Variants in SLC26A8 observed in about 807,000 individuals in gnomAD.
SLC26A8 encodes testis anion transporter 1.
Under a neutral mutation model 105.0 loss-of-function variants are expected in SLC26A8, and 70 were observed. That is an observed-to-expected ratio of 0.67 (90% confidence interval 0.55 to 0.81). The LOEUF (loss-of-function observed/expected upper bound fraction) is 0.81. Among genes scored for constraint, SLC26A8 ranks in the 40% least tolerant of loss-of-function variants. The pLI is 0.00. For missense variants in SLC26A8, 998 were observed against 1,181.8 expected (o/e 0.84, Z 2.28); for synonymous variants, 415 against 438.3 (o/e 0.95, Z 0.66).
At chr6:35,946,118 A>G (rs1008733279) in intron 19 of SLC26A8, among the ~76,000 whole-genome samples, 2 of 152,098 alleles carry the variant, frequency 1.3e-5, no homozygotes, top group Admixed American at 1.3e-4. Flanking sequence ...ATTACCATCT[A>G]TATGCTGATG....
At chr6:35,947,115 G>A (rs531582999) in intron 19 of SLC26A8, among the ~76,000 whole-genome samples, 36 of 152,232 alleles carry the variant, frequency 2.4e-4, no homozygotes, top group East Asian at 1.7e-3. Context: ...TGCAACCTCC[G>A]CTTCCTGGGT....
At chr6:35,989,013 T>A (rs1329588218) in intron 7 of SLC26A8, among the ~76,000 whole-genome samples, 1 of 152,028 alleles carries the variant, frequency 6.6e-6, no homozygotes, top group African/African-American at 2.4e-5. Context: ...GCTAAGTTTT[T>A]GTATTTTTAG....
intron 7 of SLC26A8, among the ~76,000 whole-genome samples, chr6:35,985,586 G>A (rs1016936892): frequency 4.0e-5 from 6 of 151,414 alleles, no homozygotes; most frequent in Admixed American, 1.3e-4. Flanking sequence ...CCAGCTACTC[G>A]GGAGGCTGAG....
intron 8 of SLC26A8, among the ~76,000 whole-genome samples, chr6:35,979,808 T>C (rs781198330): frequency 6.6e-6 from 1 of 152,208 alleles, no homozygotes; most frequent in East Asian, 1.9e-4. Context: ...AGGAGCTAAC[T>C]TAAATTGTCC....
intron 17 of SLC26A8, 60 bp from the exon 18 acceptor site, chr6:35,951,559 A>G: frequency 6.4e-7 from 1 of 1,571,182 alleles, no homozygotes; most frequent in Non-Finnish European, 8.8e-7. Context: ...AAGGCCTTCT[A>G]ATTAGCTAAG....
chr6:35,971,741 C>T (rs1456748488), intron 10 of SLC26A8, among the ~76,000 whole-genome samples: 2 of 152,246 alleles, frequency 1.3e-5, no homozygotes, highest in Non-Finnish European at 2.9e-5. Flanking sequence ...AATCCAGGCT[C>T]TCTCCACGGC....
chr6:35,956,703 T>C (rs867648966), intron 16 of SLC26A8, among the ~76,000 whole-genome samples: 1 of 152,180 alleles, frequency 6.6e-6, no homozygotes, highest in South Asian at 2.1e-4. Flanking sequence ...GTGGATCATC[T>C]GAGGTCAGGA....
At chr6:35,997,119 GGCCACCGACCA>G (rs1286865954) in intron 5 of SLC26A8, among the ~76,000 whole-genome samples, 5 of 152,058 alleles carry the variant, frequency 3.3e-5, no homozygotes, top group Admixed American at 1.3e-4. Flanking sequence ...AGACCCCTGG[GGCCACCGACCA>G]GTACTGGTAC....
Position 35,955,289 on chromosome 6 carries a change from C to T in SLC26A8, c.2095G>A (p.Asp699Asn). Residue 699 changes from aspartate (D) to asparagine (N), a missense_variant, in exon 17 of 20, where the codon GAT (aspartate) becomes AAT (asparagine). Physicochemically the swap from Asp to Asn is conservative, Grantham distance 23. Transcript: ENST00000490799. ...SSRNSSPGLP[D>N]VAESQGRRSL... is the part of the protein sequence containing the mutation. ...CTCCTCCCCTGGCTTTCCGCCACAT[C>T]AGGCAGTCCTGGTGAGCTGTTTCTT... 6.2e-7 allele frequency: 1 copy of T among 1,614,214 alleles called. No homozygotes were observed. Among genetic ancestry groups the T allele is most frequent in the Non-Finnish European group, 8.5e-7 (1 of 1,180,048 alleles).
chr6:35,977,878 A>G (rs1773100914), intron 8 of SLC26A8, among the ~76,000 whole-genome samples: 1 of 152,130 alleles, frequency 6.6e-6, no homozygotes, highest in African/African-American at 2.4e-5. Flanking sequence ...TGAGGTCAGG[A>G]GTTCGAGATC....
chr6:35,985,412 G>A (rs1773457458), intron 7 of SLC26A8, among the ~76,000 whole-genome samples: 1 of 152,006 alleles, frequency 6.6e-6, no homozygotes, highest in Non-Finnish European at 1.5e-5. Flanking sequence ...TCTTAAGAGA[G>A]GGCTGGGCAT....
chr6:35,973,910 C>T lies in SLC26A8; in HGVS notation c.1287+1465G>A, dbSNP rs190788013. ...GGCGTCTGAATGCTGACTCATTCCC[C>T]GGGCAACCCCAGTTTCAATTCCGAT... On this transcript the variant is annotated intron_variant, in intron 10 of 19. Transcript: ENST00000490799. 3.1e-3 allele frequency among the ~76,000 whole-genome samples: 470 copies of T among 152,312 alleles called. 3 individuals carry two copies. The highest frequency in any genetic ancestry group is 9.9e-3 in the African/African-American group (410 of 41,558).
chr6:36,019,808 A>C, intron 1 of SLC26A8, 99 bp from the exon 2 acceptor site: 1 of 1,085,540 alleles, frequency 9.2e-7, no homozygotes, highest in South Asian at 1.9e-5. Flanking sequence ...ATAATGTTTT[A>C]CACTTGCATA....
At chr6:35,963,903 A>C (rs973866533) in intron 11 of SLC26A8, among the ~76,000 whole-genome samples, 1 of 152,220 alleles carries the variant, frequency 6.6e-6, no homozygotes, top group African/African-American at 2.4e-5. Context: ...TATCAAATTA[A>C]ATGAGCAAAT....
chr6:35,953,389 T>A (rs1771946812), intron 17 of SLC26A8, among the ~76,000 whole-genome samples: 2 of 152,188 alleles, frequency 1.3e-5, no homozygotes. Flanking sequence ...ACTTAAAAGT[T>A]TCAATGCTGG....
rs748315334 is a variant in SLC26A8, at chr6:35,977,390, A to G, written c.1026-39T>C. The G allele has an allele frequency of 2.5e-6, 4 of 1,592,472 alleles. No individual in the cohort carries two copies. The South Asian group carries it at 3.4e-5, about 14-fold the overall frequency. On this transcript the variant is annotated intron_variant, in intron 8 of 19. Coordinates refer to ENST00000490799, the MANE Select transcript of SLC26A8 (RefSeq NM_052961.4). The stretch of plus-strand genomic sequence containing the variant: ...GTGGAATTATTTCTGGATAGCAGGA[A>G]TCCTTTCTTGGTACCTCCGCCACTC...
intron 11 of SLC26A8, among the ~76,000 whole-genome samples, chr6:35,965,146 C>T (rs1296527442): frequency 1.3e-5 from 2 of 151,978 alleles, no homozygotes; most frequent in African/African-American, 4.8e-5. Flanking sequence ...AAGTGATATC[C>T]ATTTTTAGAA....
intron 3 of SLC26A8, among the ~76,000 whole-genome samples, 157 bp downstream of exon 3, chr6:36,012,076 G>T (rs1346320226): frequency 2.0e-5 from 3 of 152,194 alleles, no homozygotes; most frequent in Non-Finnish European, 4.4e-5. Context: ...CCCTGGAGAG[G>T]TTAGAAATCT....
intron 3 of SLC26A8, among the ~76,000 whole-genome samples, chr6:36,009,969 G>A (rs144690549): frequency 6.6e-6 from 1 of 152,298 alleles, no homozygotes; most frequent in Non-Finnish European, 1.5e-5. Flanking sequence ...ATGAGGATGT[G>A]GAGGAAATGA....
Sources: gnomAD v4.1 joint callset for allele counts (sites outside exome capture counted in the v4.1 genomes callset) on GRCh38, gnomAD v4.1.1 for gene constraint, MANE v1.5 for transcripts, NCBI Gene and HGNC (gene_info 2026-07-23, HGNC 2026-07-21) for gene names.